Variants in ZNF248 observed in about 807,000 individuals in gnomAD.
ZNF248 encodes zinc finger protein 248, also known as KRAB protein domain.
A neutral mutation model predicts 44.3 loss-of-function variants in ZNF248; 20 were observed. The observed-to-expected ratio is 0.45, with a 90% CI of 0.32 to 0.66. The LOEUF (loss-of-function observed/expected upper bound fraction) is 0.66. Ranked by LOEUF, ZNF248 falls within the 30% of genes least tolerant of loss-of-function variation. ZNF248 has a pLI of 0.04. For synonymous variants in ZNF248, 224 were observed against 229.0 expected (o/e 0.98, Z 0.20); for missense variants, 654 against 677.0 (o/e 0.97, Z 0.38).
chr10:37,780,264 T>A (rs12770438), intron 6 of ZNF248, among the ~76,000 whole-genome samples: 1,968 of 152,140 alleles, frequency 0.013, 28 homozygotes, highest in Middle Eastern at 0.051. Flanking sequence ...GACTTCAAAC[T>A]ATACTACAAG....
chr10:37,816,589 A>C (rs1398985886), intron 6 of ZNF248, among the ~76,000 whole-genome samples: 1 of 152,224 alleles, frequency 6.6e-6, no homozygotes, highest in Non-Finnish European at 1.5e-5. Context: ...TCTGGTAAAC[A>C]CGTGGCCTAT....
At chr10:37,822,825 T>C (rs2053694186) in intron 6 of ZNF248, among the ~76,000 whole-genome samples, 1 of 152,112 alleles carries the variant, frequency 6.6e-6, no homozygotes, top group Admixed American at 6.5e-5. Context: ...TGGGCTGCAT[T>C]CAAAGTCATC....
intron 6 of ZNF248, among the ~76,000 whole-genome samples, chr10:37,780,143 T>C (rs1254285391): frequency 6.6e-6 from 1 of 151,022 alleles, no homozygotes; most frequent in Non-Finnish European, 1.5e-5. Context: ...AATGACTTTC[T>C]TCACAGAATT....
the ZNF248 span, among the ~76,000 whole-genome samples, chr10:37,768,470 C>T: frequency 6.6e-6 from 1 of 152,192 alleles, no homozygotes; most frequent in Non-Finnish European, 1.5e-5. Flanking sequence ...AAGAAACTCA[C>T]TCAAAATCGC....
Position 37,832,675 on chromosome 10 carries a change from G to T in ZNF248, c.680C>A (p.Ala227Glu). ...AGATCTCTTATTTGTAAAAAATGCTGCCTCATCATGGAAGCCTTGTCCATT... is the reference window on the plus strand; with the variant it reads ...AGATCTCTTATTTGTAAAAAATGCTTCCTCATCATGGAAGCCTTGTCCATT... ...SKNGQGFHDEAAFFTNKRSQI... is the reference protein window; with the variant it reads ...SKNGQGFHDEEAFFTNKRSQI... The change falls in exon 6 of 6, where the codon GCA becomes GAA. Residue 227 changes from alanine (A) to glutamate (E), a missense_variant. Physicochemically the swap from Ala to Glu is moderately radical, Grantham distance 107 (BLOSUM62 -1). Transcript: ENST00000395867. The T allele has an allele frequency of 6.2e-7, 1 of 1,613,338 alleles. No homozygotes were observed.
intron 1 of ZNF248, 134 bp from the exon 2 acceptor site, chr10:37,856,666 G>C (rs200942): frequency 9.8e-7 from 1 of 1,015,796 alleles, no homozygotes; most frequent in Admixed American, 5.7e-5. Context: ...TTGTTTATCT[G>C]TTTACCTGTT....
At chr10:37,804,101 CTTTTTTTTTTTTT>C (rs59261731) in intron 6 of ZNF248, among the ~76,000 whole-genome samples, 197 of 124,952 alleles carry the variant, frequency 1.6e-3, no homozygotes, top group Non-Finnish European at 1.3e-3. Flanking sequence ...TTTTCTTTTT[CTTTTTTTTTTTTT>C]TTTTTTGAGA....
intron 6 of ZNF248, chr10:37,820,465 G>C: frequency 6.3e-7 from 1 of 1,592,118 alleles, no homozygotes. Flanking sequence ...AACCACAGAG[G>C]GGCTGTTCTA....
downstream of ZNF248, chr10:37,828,707 A>G (rs1018405821): frequency 2.0e-6 from 2 of 985,282 alleles, no homozygotes; most frequent in Non-Finnish European, 2.4e-6. Context: ...CACATATTTA[A>G]GTACATAATA....
At chr10:37,775,758 TTGTTTACTTACATTCCTAC>T (rs2046537480), downstream of ZNF248, among the ~76,000 whole-genome samples, 1 of 152,210 alleles carries the variant, frequency 6.6e-6, no homozygotes, top group Admixed American at 6.5e-5. Context: ...CTCAGGATAT[TTGTTTACTTACATTCCTAC>T]TGAGTTGCTA....
chr10:37,770,715 A>T, the ZNF248 span, among the ~76,000 whole-genome samples: 7 of 152,228 alleles, frequency 4.6e-5, no homozygotes, highest in Non-Finnish European at 8.8e-5. Context: ...GACATGGGGA[A>T]GGACTTCATG....
chr10:37,827,243 CTTCTT>C (rs1171317279), downstream of ZNF248, among the ~76,000 whole-genome samples: 1 of 152,196 alleles, frequency 6.6e-6, no homozygotes, highest in Non-Finnish European at 1.5e-5. Context: ...ATTCTGAACT[CTTCTT>C]TTCTGAGGTC....
At chr10:37,763,363 G>C in the ZNF248 span, among the ~76,000 whole-genome samples, 1 of 152,192 alleles carries the variant, frequency 6.6e-6, no homozygotes, top group African/African-American at 2.4e-5. Context: ...CAAGGAGCCT[G>C]GCTCCAGCGA....
intron 6 of ZNF248, chr10:37,803,810 G>C (rs1258175634): frequency 6.5e-6 from 1 of 152,682 alleles, no homozygotes; most frequent in Non-Finnish European, 1.5e-5. Context: ...GTCCCCCAAG[G>C]ACAAATGCTG....
intron 6 of ZNF248, among the ~76,000 whole-genome samples, chr10:37,779,281 C>A (rs1460062316): frequency 3.3e-5 from 5 of 152,320 alleles, no homozygotes; most frequent in Non-Finnish European, 7.3e-5. Context: ...TACTGGCAAA[C>A]CGAATCCAGC....
intron 6 of ZNF248, chr10:37,795,095 C>A (rs1418138504): frequency 2.0e-5 from 3 of 152,204 alleles, no homozygotes; most frequent in Admixed American, 6.5e-5. Context: ...TGTGTCAATT[C>A]TCTTAAAGTT....
At chr10:37,782,160 C>A (rs1457375675) in intron 6 of ZNF248, among the ~76,000 whole-genome samples, 1 of 152,174 alleles carries the variant, frequency 6.6e-6, no homozygotes, top group Non-Finnish European at 1.5e-5. Context: ...GTATGTGCAG[C>A]CAACCACCAC....
At chr10:37,795,034 C>T (rs575187405) in intron 6 of ZNF248, 6 of 152,260 alleles carry the variant, frequency 3.9e-5, no homozygotes, top group Non-Finnish European at 8.8e-5. Context: ...TAAAGTGGAA[C>T]TTTTTGTGTA....
chr10:37,848,968 A>G (rs1300422548), intron 3 of ZNF248, among the ~76,000 whole-genome samples: 1 of 152,250 alleles, frequency 6.6e-6, no homozygotes, highest in Non-Finnish European at 1.5e-5. Context: ...AACAGCATAA[A>G]GCATACTCAC....
Sources: gnomAD v4.1 joint callset for allele counts (sites outside exome capture counted in the v4.1 genomes callset) on GRCh38, gnomAD v4.1.1 for gene constraint, MANE v1.5 for transcripts, NCBI Gene and HGNC (gene_info 2026-07-23, HGNC 2026-07-21) for gene names.